Variants in SIRPG observed in about 807,000 individuals in gnomAD.
SIRPG encodes signal regulatory protein gamma, also known as signal-regulatory protein gamma.
A neutral mutation model predicts 35.7 loss-of-function variants in SIRPG; 38 were observed. That is an observed-to-expected ratio of 1.06 (90% CI 0.82 to 1.40). SIRPG has a LOEUF of 1.40. Ranked by LOEUF, SIRPG falls within the 40% of genes most tolerant of loss-of-function variation. The probability of loss-of-function intolerance (pLI) is 0.00; values close to 1 mark genes in which losing one functional copy is unlikely to be tolerated. For synonymous variants in SIRPG, 215 were observed against 190.4 expected (o/e 1.13, Z -1.06); for missense variants, 519 against 483.0 (o/e 1.07, Z -0.70).
chr20:1,643,928 G>C (rs2091876578), intron 2 of SIRPG, among the ~76,000 whole-genome samples: 2 of 152,306 alleles, frequency 1.3e-5, no homozygotes, highest in South Asian at 4.1e-4. Context: ...GAACGGCAAA[G>C]ATGGGTGCCT....
chr20:1,644,068 C>T (rs1370652351), intron 2 of SIRPG, among the ~76,000 whole-genome samples: 2 of 152,194 alleles, frequency 1.3e-5, no homozygotes, highest in African/African-American at 4.8e-5. Flanking sequence ...GAGCAGGACC[C>T]ATTTAACGAA....
At chr20:1,634,320 C>T (rs928324496) in intron 4 of SIRPG, among the ~76,000 whole-genome samples, 1 of 151,714 alleles carries the variant, frequency 6.6e-6, no homozygotes, top group Non-Finnish European at 1.5e-5. Flanking sequence ...CATTCTCCTG[C>T]CTCAGCCTCC....
chr20:1,657,855 C>T (rs757811524), upstream of SIRPG: 10 of 700,294 alleles, frequency 1.4e-5, no homozygotes, highest in Non-Finnish European at 2.1e-5. Flanking sequence ...TAACCTGCTT[C>T]TAGATTGTGA....
chr20:1,647,112 C>A (rs983553849), intron 2 of SIRPG: 1 of 117,426 alleles, frequency 8.5e-6, no homozygotes, highest in African/African-American at 2.6e-5. Context: ...GCTCCCTGAC[C>A]TGCTCACCAC....
the SIRPG span, among the ~76,000 whole-genome samples, chr20:1,685,907 T>C: frequency 1.3e-5 from 2 of 152,152 alleles, no homozygotes; most frequent in Non-Finnish European, 2.9e-5. Flanking sequence ...CAGCTCACTC[T>C]GTGGCCTTGG....
At chr20:1,664,663 G>A in the SIRPG span, among the ~76,000 whole-genome samples, 1 of 152,152 alleles carries the variant, frequency 6.6e-6, no homozygotes, top group African/African-American at 2.4e-5. Flanking sequence ...AAGGAGCTGT[G>A]GGAAAACACG....
the SIRPG span, chr20:1,670,913 A>C: frequency 3.1e-6 from 1 of 326,524 alleles, no homozygotes; most frequent in Non-Finnish European, 6.2e-6. Flanking sequence ...TCAGTCCCAC[A>C]AAGAGGGTCC....
chr20:1,638,777 C>G (rs540433812), intron 2 of SIRPG, among the ~76,000 whole-genome samples: 3 of 143,076 alleles, frequency 2.1e-5, no homozygotes, highest in African/African-American at 7.8e-5. Flanking sequence ...CTCACCCCCC[C>G]ACCCCTTGAC....
intron 4 of SIRPG, among the ~76,000 whole-genome samples, chr20:1,631,580 T>G (rs374871374): frequency 6.6e-6 from 1 of 152,312 alleles, no homozygotes; most frequent in Non-Finnish European, 1.5e-5. Context: ...CATTCCTGTA[T>G]CCATCTCTAG....
chr20:1,683,297 G>T, the SIRPG span, among the ~76,000 whole-genome samples: 2 of 152,200 alleles, frequency 1.3e-5, no homozygotes, highest in Non-Finnish European at 2.9e-5. Context: ...CACTGTTGGT[G>T]AGAATGTAAA....
chr20:1,668,227 CTTTCTTTCTTTCTTTCTTTCTT>C, the SIRPG span, among the ~76,000 whole-genome samples: 2,044 of 60,430 alleles, frequency 0.034, 57 homozygotes, highest in African/African-American at 0.096. Flanking sequence ...TTCTTTCTTT[CTTTCTTTCTTTCTTTCTTTCTT>C]TTTCTTTTTC....
At chr20:1,632,407 C>A (rs1017698335) in intron 4 of SIRPG, among the ~76,000 whole-genome samples, 4 of 152,114 alleles carry the variant, frequency 2.6e-5, no homozygotes, top group African/African-American at 2.4e-5. Flanking sequence ...CTTATGTAAC[C>A]ACAAGGCATC....
At chr20:1,643,479 A>G (rs1329200607) in intron 2 of SIRPG, among the ~76,000 whole-genome samples, 2 of 152,044 alleles carry the variant, frequency 1.3e-5, no homozygotes, top group African/African-American at 4.8e-5. Flanking sequence ...GTAACCTTTT[A>G]TTAAGATTCT....
At chr20:1,631,903 G>C (rs551969637) in intron 4 of SIRPG, among the ~76,000 whole-genome samples, 1 of 152,178 alleles carries the variant, frequency 6.6e-6, no homozygotes, top group East Asian at 1.9e-4. Context: ...GAGAAGCTAC[G>C]AGTGATTGAT....
At chr20:1,664,096 G>A in the SIRPG span, among the ~76,000 whole-genome samples, 1 of 152,124 alleles carries the variant, frequency 6.6e-6, no homozygotes, top group African/African-American at 2.4e-5. Flanking sequence ...GAGGTGCTAG[G>A]CTCTTTGTAA....
chr20:1,649,013 C>T (rs1318942065), intron 2 of SIRPG, 39 bp downstream of exon 2: 1 of 1,517,682 alleles, frequency 6.6e-7, no homozygotes, highest in South Asian at 1.2e-5. Context: ...GAGTTATTGT[C>T]ACACATCAGG....
chr20:1,642,068 G>A (rs1432602467), intron 2 of SIRPG, among the ~76,000 whole-genome samples: 2 of 152,230 alleles, frequency 1.3e-5, no homozygotes, highest in Non-Finnish European at 2.9e-5. Context: ...TGTGTTTTCT[G>A]TTGATTTGGG....
At chr20:1,636,049 C>T (rs906013089) in intron 3 of SIRPG, 139 bp downstream of exon 3, 4 of 1,234,566 alleles carry the variant, frequency 3.2e-6, no homozygotes, top group South Asian at 2.9e-5. Flanking sequence ...GTGACCAGCA[C>T]ACCTAGGTGC....
At chr20:1,663,369 C>A in the SIRPG span, among the ~76,000 whole-genome samples, 1 of 152,142 alleles carries the variant, frequency 6.6e-6, no homozygotes, top group Admixed American at 6.5e-5. Flanking sequence ...CCAGTAGAGA[C>A]AATAGCAACA....
Sources: gnomAD v4.1 joint callset for allele counts (sites outside exome capture counted in the v4.1 genomes callset) on GRCh38, gnomAD v4.1.1 for gene constraint, MANE v1.5 for transcripts, NCBI Gene and HGNC (gene_info 2026-07-23, HGNC 2026-07-21) for gene names.